The following TSPAN33 variants were observed in gnomAD, a reference collection of about 807,000 sequenced individuals.
TSPAN33 encodes tetraspanin-33.
TSPAN33 carries 27 observed loss-of-function variants against 34.8 expected under a neutral mutation model. The observed-to-expected ratio is 0.78, with a 90% CI of 0.57 to 1.07. The LOEUF (loss-of-function observed/expected upper bound fraction) is 1.07. TSPAN33 is among the 50% of genes least tolerant of loss of function. The pLI is 0.00. For missense variants in TSPAN33, 272 were observed against 324.9 expected, an observed-to-expected ratio of 0.84 and a Z score of 1.25; for synonymous variants, 119 against 124.2, an observed-to-expected ratio of 0.96 and a Z score of 0.28.
In TSPAN33 at chr7:129,148,321, C is replaced by A. The variant is rs1454462312; in HGVS notation, c.102+3239C>A. On this transcript the variant is annotated intron_variant, in intron 1 of 7. Coordinates refer to ENST00000486685, the MANE Select transcript of TSPAN33 (RefSeq NM_178562.5). The surrounding 1 kb of genome is among the most constrained non-coding windows in gnomAD (Gnocchi z 4.2). ...GGGCTCCCATGGCACCTTCTGTATT[C>A]TTCTATTGTCACATCCCTTACCTGT... Among the ~76,000 whole-genome samples the A allele has an allele frequency of 1.3e-5, 2 of 152,198 alleles. No individual in the cohort carries two copies. Among genetic ancestry groups the A allele is most frequent in the African/African-American group, 2.4e-5 (1 of 41,446 alleles).
At chr7:129,161,207 G>A (rs1793044591) in intron 1 of TSPAN33, among the ~76,000 whole-genome samples, 1 of 152,184 alleles carries the variant, frequency 6.6e-6, no homozygotes, top group African/African-American at 2.4e-5. Context: ...CTGAGTAGCT[G>A]GGACTACAGG....
chr7:129,167,369 T>A lies in TSPAN33; in HGVS notation c.589-30T>A. ...AAACAAAAAGTTATTGGAATTACAG[T>A]CCCAATTGGCTTTTCAACTCTTTCC... is the stretch of plus-strand genomic sequence containing the variant. On this transcript the variant is annotated intron_variant, in intron 6 of 7. Coordinates refer to ENST00000486685, the MANE Select transcript of TSPAN33 (RefSeq NM_178562.5). This position sits in a 1 kb window ranked among gnomAD's most constrained non-coding sequence, Gnocchi z 4.6. 1 of 1,594,478 alleles carries A rather than the reference T, an allele frequency of 6.3e-7. No homozygotes were observed. The highest frequency in any genetic ancestry group is 1.7e-5 in the Admixed American group (1 of 58,858).
intron 1 of TSPAN33, among the ~76,000 whole-genome samples, chr7:129,154,777 G>T (rs111419978): frequency 0.016 from 2,477 of 152,226 alleles, 73 homozygotes; most frequent in African/African-American, 0.057. Flanking sequence ...TAACAAATTG[G>T]GGTGGGAGGA....
At position 129,162,260 on chromosome 7, in the gene TSPAN33, C is replaced by T. The variant is rs1048359512; in HGVS notation, c.161-134C>T. 2.9e-6 allele frequency: 4 copies of T among 1,363,602 alleles called. No homozygotes were observed. In the African/African-American group the frequency reaches 5.7e-5, roughly 20 times the overall value. 84.5% of individuals were successfully genotyped at this position (1,363,602 alleles called of 1,614,324 possible). On this transcript the variant is annotated intron_variant, in intron 2 of 7. Transcript: ENST00000486685. ...CCCCATGGGACAGGGGTACTGCCTC[C>T]CCTTAACCTTCATCCAACCATAATG...
chr7:129,153,228 C>T (rs755479745), intron 1 of TSPAN33, among the ~76,000 whole-genome samples: 11 of 151,708 alleles, frequency 7.3e-5, no homozygotes, highest in East Asian at 1.9e-4. Context: ...GGGCTGGGGG[C>T]GGAGGACAGG....
At position 129,162,524 on chromosome 7, in the gene TSPAN33, G is replaced by T; in HGVS notation, c.288+3G>T. 6.2e-7 allele frequency: 1 copy of T among 1,611,974 alleles called. No individual in the cohort carries two copies. ...AGAACATCTGCCTCCTGCAGACGGTGAGTGGTCAAGGCCCCACTGGAAAGA... is the reference window on the plus strand; with the variant it reads ...AGAACATCTGCCTCCTGCAGACGGTTAGTGGTCAAGGCCCCACTGGAAAGA... On this transcript the variant is annotated splice_donor_region_variant and intron_variant, in intron 3 of 7. Transcript: ENST00000486685.
At chr7:129,155,203 G>T (rs1314278133) in intron 1 of TSPAN33, among the ~76,000 whole-genome samples, 1 of 152,172 alleles carries the variant, frequency 6.6e-6, no homozygotes, top group Non-Finnish European at 1.5e-5. Context: ...GGCTAAAAAA[G>T]TGAAACTCAT....
At chr7:129,145,109 G>A in intron 1 of TSPAN33, 27 bp downstream of exon 1, 1 of 669,126 alleles carries the variant, frequency 1.5e-6, no homozygotes. Context: ...AGGGCACCTG[G>A]GCGGCGGGGT....
At chr7:129,153,694 A>T (rs771231827) in intron 1 of TSPAN33, among the ~76,000 whole-genome samples, 4 of 152,192 alleles carry the variant, frequency 2.6e-5, no homozygotes, top group Non-Finnish European at 4.4e-5. Context: ...GAATCCCAGC[A>T]CTTTCAGAGG....
In TSPAN33 at chr7:129,162,865, G is replaced by A; in HGVS notation, c.321G>A (p.Leu107=). 6.2e-7 allele frequency: 1 copy of A among 1,613,972 alleles called. No homozygotes were observed. Among genetic ancestry groups the A allele is most frequent in the Non-Finnish European group, 8.5e-7 (1 of 1,179,960 alleles). ...FSLCLTAVFL[L]QLAAGILGFV... is the part of the protein sequence containing the mutation. ...TCTGCCTCACCGCTGTGTTCCTGCT[G>A]CAGCTGGCCGCTGGGATCCTGGGCT... Residue 107 remains leucine (L), a synonymous_variant, in exon 4 of 8, where the codon CTG becomes CTA. Coordinates refer to ENST00000486685, the MANE Select transcript of TSPAN33 (RefSeq NM_178562.5).
intron 1 of TSPAN33, among the ~76,000 whole-genome samples, chr7:129,152,421 CG>C (rs1162343064): frequency 5.9e-5 from 9 of 152,130 alleles, no homozygotes; most frequent in Non-Finnish European, 7.4e-5. Flanking sequence ...TGGCAGGGCA[CG>C]GTGGCTCATG....
At chr7:129,161,888 C>A in intron 2 of TSPAN33, 152 bp downstream of exon 2, 1 of 843,510 alleles carries the variant, frequency 1.2e-6, no homozygotes, top group Non-Finnish European at 1.8e-6. Flanking sequence ...GTGTCAGACC[C>A]CCCCAGGCCA....
intron 1 of TSPAN33, among the ~76,000 whole-genome samples, chr7:129,147,132 CCTT>C (rs1810532068): frequency 6.6e-6 from 1 of 152,064 alleles, no homozygotes; most frequent in Non-Finnish European, 1.5e-5. Flanking sequence ...GAATAGAGCC[CCTT>C]CTTGGCCCTA....
At chr7:129,156,470 T>A (rs991500902) in intron 1 of TSPAN33, among the ~76,000 whole-genome samples, 5 of 152,210 alleles carry the variant, frequency 3.3e-5, no homozygotes, top group Non-Finnish European at 7.3e-5. Context: ...GAGGATGGAG[T>A]ACCTACATGA....
intron 4 of TSPAN33, among the ~76,000 whole-genome samples, chr7:129,163,683 G>A (rs576617046): frequency 2.0e-5 from 3 of 152,152 alleles, no homozygotes; most frequent in East Asian, 3.9e-4. Flanking sequence ...TTATGAAATT[G>A]GGCCAGGCGC....
rs536575852 is a variant in TSPAN33 at position 129,169,292 on chromosome 7, G to A, written c.*1418G>A. 1 of 152,444 alleles carries A rather than the reference G, an allele frequency of 6.6e-6. No individual in the cohort carries two copies. The highest frequency in any genetic ancestry group is 6.5e-5 in the Admixed American group (1 of 15,300). 9.4% of individuals were successfully genotyped at this position (152,444 alleles called of 1,614,324 possible). A position where few individuals can be genotyped will look rare whatever the true frequency, so the allele number is the denominator to read the frequency against. ...TGCGCTGGGCCTCCTGGCGCCGGGAGGAGCGCGCGAGGCAGGCGGGGCGGG... is the reference window on the plus strand; with the variant it reads ...TGCGCTGGGCCTCCTGGCGCCGGGAAGAGCGCGCGAGGCAGGCGGGGCGGG... On this transcript the variant is annotated 3_prime_UTR_variant, in exon 8 of 8. Coordinates refer to ENST00000486685, the MANE Select transcript of TSPAN33 (RefSeq NM_178562.5).
In TSPAN33 at chr7:129,148,999, C is replaced by T. The variant is rs747206989; in HGVS notation, c.102+3917C>T. On this transcript the variant is annotated intron_variant, in intron 1 of 7. Transcript: ENST00000486685. This position sits in a 1 kb window ranked among gnomAD's most constrained non-coding sequence, Gnocchi z 4.2. ...GGGGCCCTTTCTGCCATCCAACCCC[C>T]TCATCCTATACTTCCAAATACACTA... 1.3e-5 allele frequency among the ~76,000 whole-genome samples: 2 copies of T among 152,176 alleles called. No homozygotes were observed.
chr7:129,166,543 C>T (rs1192844139), intron 5 of TSPAN33: 1 of 449,038 alleles, frequency 2.2e-6, no homozygotes, highest in Non-Finnish European at 4.0e-6. Context: ...GTAATACCAA[C>T]AAGCACAGTG....
intron 1 of TSPAN33, among the ~76,000 whole-genome samples, chr7:129,158,318 C>T (rs1013855995): frequency 4.6e-5 from 7 of 152,186 alleles, no homozygotes; most frequent in African/African-American, 1.4e-4. Flanking sequence ...TTATTCTCTC[C>T]ACCATAGATA....
Sources: gnomAD v4.1 joint callset for allele counts (sites outside exome capture counted in the v4.1 genomes callset) on GRCh38, gnomAD v4.1.1 for gene constraint, Gnocchi (gnomAD v3.1) non-coding constraint, MANE v1.5 for transcripts, NCBI Gene and HGNC (gene_info 2026-07-23, HGNC 2026-07-21) for gene names.